The following TENM3 variants were observed in gnomAD, a reference collection of about 807,000 sequenced individuals.
TENM3 encodes teneurin-3.
Under a neutral mutation model 255.1 loss-of-function variants are expected in TENM3, and 63 were observed. The observed-to-expected ratio is 0.25, with a 90% confidence interval of 0.20 to 0.30. The LOEUF is 0.30. Among genes scored for constraint, TENM3 ranks in the 10% least tolerant of loss-of-function variants. TENM3 has a pLI of 1.00. For synonymous variants in TENM3, 1,306 were observed against 1,322.3 expected, an observed-to-expected ratio of 0.99 and a Z score of 0.27; for missense variants, 2,929 against 3,461.1, an observed-to-expected ratio of 0.85 and a Z score of 3.86.
chr4:181,832,394 T>G, the TENM3 span, among the ~76,000 whole-genome samples: 4 of 152,168 alleles, frequency 2.6e-5, no homozygotes, highest in Non-Finnish European at 4.4e-5. Flanking sequence ...CAGAACCTAA[T>G]TCTAACTAGC....
chr4:182,679,457 G>C (rs1755937066), intron 7 of TENM3, among the ~76,000 whole-genome samples: 1 of 152,182 alleles, frequency 6.6e-6, no homozygotes, highest in Non-Finnish European at 1.5e-5. Context: ...AATGGTCCCT[G>C]ATGTTTGAAT....
the TENM3 span, among the ~76,000 whole-genome samples, chr4:181,618,199 C>T: frequency 2.0e-5 from 3 of 152,182 alleles, no homozygotes; most frequent in African/African-American, 4.8e-5. Context: ...CCCGCAGGCA[C>T]TCTAGGGTGA....
chr4:182,424,147 AT>A (rs1288556829), intron 3 of TENM3, among the ~76,000 whole-genome samples: 7 of 152,154 alleles, frequency 4.6e-5, no homozygotes, highest in Non-Finnish European at 8.8e-5. Flanking sequence ...GACTGGACTA[AT>A]TTTTTCTGTA....
At chr4:181,835,558 C>T in the TENM3 span, among the ~76,000 whole-genome samples, 7 of 152,230 alleles carry the variant, frequency 4.6e-5, no homozygotes, top group South Asian at 2.1e-4. Context: ...CCACTCTTGG[C>T]GACCAATGTA....
At chr4:182,771,512 ATAG>A in intron 22 of TENM3, among the ~76,000 whole-genome samples, 1 of 143,786 alleles carries the variant, frequency 7.0e-6, no homozygotes, top group Non-Finnish European at 1.5e-5. Context: ...GGGGGGGGAA[ATAG>A]TACAATACAG....
At chr4:181,520,829 C>T in the TENM3 span, among the ~76,000 whole-genome samples, 1 of 152,126 alleles carries the variant, frequency 6.6e-6, no homozygotes, top group African/African-American at 2.4e-5. Flanking sequence ...AATTTCACGA[C>T]CCCAGAAGTT....
chr4:181,639,450 C>T, the TENM3 span, among the ~76,000 whole-genome samples: 15 of 152,096 alleles, frequency 9.9e-5, no homozygotes, highest in African/African-American at 3.6e-4. Flanking sequence ...GTTAATATCC[C>T]CACCACTGGC....
the TENM3 span, among the ~76,000 whole-genome samples, chr4:181,498,322 A>G: frequency 6.6e-6 from 1 of 152,198 alleles, no homozygotes. Context: ...TTTTTTGACC[A>G]TATTACCAAA....
chr4:181,948,731 C>G, the TENM3 span, among the ~76,000 whole-genome samples: 1 of 152,188 alleles, frequency 6.6e-6, no homozygotes, highest in African/African-American at 2.4e-5. Context: ...ATTATGAAAG[C>G]CTTTGTCTGA....
chr4:182,384,628 TGAGAA>T, intron 3 of TENM3, among the ~76,000 whole-genome samples: 1 of 152,318 alleles, frequency 6.6e-6, no homozygotes, highest in East Asian at 1.9e-4. Flanking sequence ...ACATAATAGA[TGAGAA>T]GAGAGTAGCT....
intron 2 of TENM3, among the ~76,000 whole-genome samples, chr4:182,336,403 C>G (rs895473985): frequency 1.3e-5 from 2 of 151,678 alleles, no homozygotes; most frequent in African/African-American, 4.8e-5. Context: ...CACAGAAGCT[C>G]TCATTATAGT....
chr4:182,241,870 C>T (rs377398107), upstream of TENM3, among the ~76,000 whole-genome samples: 8 of 151,944 alleles, frequency 5.3e-5, no homozygotes, highest in South Asian at 4.2e-4. Context: ...CTTTTAAAAA[C>T]GCTTCTCCAC....
At chr4:181,470,853 A>G in the TENM3 span, among the ~76,000 whole-genome samples, 2 of 152,202 alleles carry the variant, frequency 1.3e-5, no homozygotes, top group East Asian at 3.9e-4. Context: ...TGTAAGGTGA[A>G]AAAAAGTTTT....
At chr4:181,899,039 A>C in the TENM3 span, among the ~76,000 whole-genome samples, 1 of 152,280 alleles carries the variant, frequency 6.6e-6, no homozygotes, top group African/African-American at 2.4e-5. Context: ...TCATTGTAAT[A>C]GAGATTTTTG....
At chr4:182,780,375 G>A (rs1326406186) in intron 24 of TENM3, among the ~76,000 whole-genome samples, 20 of 117,430 alleles carry the variant, frequency 1.7e-4, no homozygotes, top group Admixed American at 5.6e-4. Context: ...TAGATATGCG[G>A]CGTTATTTCT....
At chr4:182,150,979 T>A (rs1340641443) in intron 1 of TENM3, among the ~76,000 whole-genome samples, 1 of 152,224 alleles carries the variant, frequency 6.6e-6, no homozygotes, top group East Asian at 1.9e-4. Context: ...TAGAATGAAT[T>A]ATTTCCTCTT....
chr4:181,895,886 C>T, the TENM3 span, among the ~76,000 whole-genome samples: 19 of 152,078 alleles, frequency 1.2e-4, no homozygotes, highest in South Asian at 2.9e-3. Flanking sequence ...CCACCATGCC[C>T]GCCTCAAAGT....
At chr4:181,468,161 G>A in the TENM3 span, among the ~76,000 whole-genome samples, 2 of 150,716 alleles carry the variant, frequency 1.3e-5, no homozygotes, top group East Asian at 1.9e-4. Flanking sequence ...GTGTGGTGGC[G>A]CATGCCTGCG....
chr4:182,057,710 T>A, the TENM3 span, among the ~76,000 whole-genome samples: 1 of 152,046 alleles, frequency 6.6e-6, no homozygotes, highest in Non-Finnish European at 1.5e-5. Context: ...CCCAAATCGT[T>A]CATTTCACCT....
Sources: allele counts gnomAD v4.1 joint callset (sites outside exome capture counted in the v4.1 genomes callset), GRCh38; gene constraint gnomAD v4.1.1; transcripts MANE v1.5; gene names NCBI Gene and HGNC (gene_info 2026-07-23, HGNC 2026-07-21).